The following PCDHGB1 variants were observed in gnomAD, a reference collection of about 807,000 sequenced individuals.
PCDHGB1 encodes the protein protocadherin gamma-B1.
A neutral mutation model predicts 56.6 loss-of-function variants in PCDHGB1; 34 were observed. The ratio of observed to expected loss-of-function variants is 0.60; its 90% CI spans 0.46 to 0.80. PCDHGB1 has a LOEUF of 0.80. PCDHGB1 is among the 30% of genes least tolerant of loss of function. The probability of loss-of-function intolerance (pLI) is 0.00; values close to 1 mark genes in which losing one functional copy is unlikely to be tolerated. For missense variants in PCDHGB1, 1,278 were observed against 1,204.6 expected, an observed-to-expected ratio of 1.06 and a Z score of -0.90; for synonymous variants, 561 against 505.9, an observed-to-expected ratio of 1.11 and a Z score of -1.46.
At chr5:141,457,791 A>G (rs554446263) in intron 1 of PCDHGB1, among the ~76,000 whole-genome samples, 1 of 152,318 alleles carries the variant, frequency 6.6e-6, no homozygotes, top group South Asian at 2.1e-4. Flanking sequence ...GAGTTGGGTT[A>G]TCCTCTCCTC....
At chr5:141,355,356 G>C in intron 1 of PCDHGB1, 2 of 1,614,044 alleles carry the variant, frequency 1.2e-6, no homozygotes, top group South Asian at 2.2e-5. Context: ...CCAAGGACCT[G>C]GGGTTGGCGC....
At chr5:141,372,680 C>T in intron 1 of PCDHGB1, 1 of 1,614,016 alleles carries the variant, frequency 6.2e-7, no homozygotes, top group South Asian at 1.1e-5. Context: ...ATTCCTCAAA[C>T]ACCGAGTTTA....
At chr5:141,427,901 G>T in intron 1 of PCDHGB1, 1 of 1,572,232 alleles carries the variant, frequency 6.4e-7, no homozygotes. Flanking sequence ...GCTCGCCCGC[G>T]CTCAGCGCCA....
At chr5:141,443,054 A>G (rs1591749542) in intron 1 of PCDHGB1, among the ~76,000 whole-genome samples, 1 of 152,218 alleles carries the variant, frequency 6.6e-6, no homozygotes. Flanking sequence ...TTATTGTTCC[A>G]CTGAAGAGCG....
intron 1 of PCDHGB1, chr5:141,413,285 A>G: frequency 1.9e-6 from 3 of 1,613,892 alleles, no homozygotes; most frequent in Non-Finnish European, 2.5e-6. Flanking sequence ...CAGATCTCCT[A>G]CTCAATTCCT....
chr5:141,355,764 G>A (rs1236728620), intron 1 of PCDHGB1: 2 of 1,613,850 alleles, frequency 1.2e-6, no homozygotes, highest in Admixed American at 1.7e-5. Flanking sequence ...GGGCCGATGG[G>A]ATTAAGTACC....
chr5:141,425,834 C>A (rs925446924), intron 1 of PCDHGB1, among the ~76,000 whole-genome samples: 1 of 152,220 alleles, frequency 6.6e-6, no homozygotes, highest in Non-Finnish European at 1.5e-5. Context: ...CTTTTAAATT[C>A]TCTTTGCTGG....
At chr5:141,372,341 A>G (rs1382612317) in intron 1 of PCDHGB1, 1 of 1,613,800 alleles carries the variant, frequency 6.2e-7, no homozygotes, top group Non-Finnish European at 8.5e-7. Context: ...TGCGTGATGG[A>G]GGACAGCAGC....
rs752171326 is a variant in PCDHGB1 at position 141,395,310 on chromosome 5, A to C, written c.2409+42641A>C. The stretch of plus-strand genomic sequence containing the variant: ...TGGCATAAATTATGTTTTGAAAAAC[A>C]TTGTGAAGATAGTTGAAAATAATTT... On this transcript the variant is annotated intron_variant, in intron 1 of 3. Transcript: ENST00000523390. The C allele has an allele frequency of 3.3e-6, 5 of 1,502,410 alleles. No homozygotes were observed. In the East Asian group the frequency reaches 1.1e-4, roughly 34 times the overall value. 93.1% of individuals were successfully genotyped at this position (1,502,410 alleles called of 1,614,324 possible).
chr5:141,438,122 A>T (rs1272350030), intron 1 of PCDHGB1, among the ~76,000 whole-genome samples: 1 of 152,214 alleles, frequency 6.6e-6, no homozygotes, highest in Non-Finnish European at 1.5e-5. Flanking sequence ...CATTCCTAAA[A>T]TATTAATGGC....
chr5:141,491,199 C>T lies in PCDHGB1; in HGVS notation c.2410-3608C>T. ...TGGTCCTGGTGAGGGACAATGGTGA[C>T]CCTTCACTCTCCTCCACAGCCACAG... On this transcript the variant is annotated intron_variant, in intron 1 of 3. Coordinates refer to ENST00000523390, the MANE Select transcript of PCDHGB1 (RefSeq NM_018922.3). The surrounding 1 kb of genome is among the most constrained non-coding windows in gnomAD (Gnocchi z 6.9). 1 of 1,614,190 alleles carries T rather than the reference C, an allele frequency of 6.2e-7. No homozygotes were observed. Among genetic ancestry groups the T allele is most frequent in the South Asian group, 1.1e-5 (1 of 91,086 alleles).
At chr5:141,447,642 T>G (rs1275164919) in intron 1 of PCDHGB1, among the ~76,000 whole-genome samples, 2 of 152,166 alleles carry the variant, frequency 1.3e-5, no homozygotes, top group Non-Finnish European at 2.9e-5. Flanking sequence ...TGAATGATGG[T>G]AGAATTTTCC....
At chr5:141,365,397 T>A (rs1763890362) in intron 1 of PCDHGB1, 1 of 1,613,844 alleles carries the variant, frequency 6.2e-7, no homozygotes, top group Non-Finnish European at 8.5e-7. Context: ...ACCAGTTCGA[T>A]CTCTGAAGAC....
intron 1 of PCDHGB1, chr5:141,428,158 G>A: frequency 6.3e-7 from 1 of 1,577,728 alleles, no homozygotes; most frequent in Non-Finnish European, 8.7e-7. Context: ...GGAACCTGCT[G>A]GTTGCTGTGC....
intron 1 of PCDHGB1, chr5:141,403,146 G>A (rs1400601984): frequency 1.9e-6 from 3 of 1,613,938 alleles, no homozygotes; most frequent in African/African-American, 2.7e-5. Flanking sequence ...CGCCGAGTCC[G>A]CATCGTCTCT....
At chr5:141,357,516 A>G (rs1321097755) in intron 1 of PCDHGB1, 3 of 1,614,010 alleles carry the variant, frequency 1.9e-6, no homozygotes, top group African/African-American at 1.3e-5. Context: ...TCTTCTCCCA[A>G]CCCAGCTATG....
Position 141,356,147 on chromosome 5 carries a change from A to G in PCDHGB1, c.2409+3478A>G, listed in dbSNP as rs1208276998. 19 of 1,613,404 alleles carry G rather than the reference A, an allele frequency of 1.2e-5. No homozygotes were observed. The highest frequency in any genetic ancestry group is 1.5e-5 in the Non-Finnish European group (18 of 1,179,664). On this transcript the variant is annotated intron_variant, in intron 1 of 3. Transcript: ENST00000523390. ...GATTATGAGGACTCTGGATTCTATG[A>G]CATAGATGTAGAAGCCCATGATGGG...
At chr5:141,383,583 C>A (rs1282205134) in intron 1 of PCDHGB1, 11 of 1,613,640 alleles carry the variant, frequency 6.8e-6, no homozygotes, top group Non-Finnish European at 9.3e-6. Context: ...CCGCCCACAT[C>A]CAGGTGACAG....
intron 1 of PCDHGB1, among the ~76,000 whole-genome samples, chr5:141,454,628 A>C (rs1008375225): frequency 1.3e-4 from 19 of 151,334 alleles, no homozygotes; most frequent in African/African-American, 4.4e-4. Context: ...CTGGTCTCGA[A>C]CCCCCAACCT....
Sources: allele counts gnomAD v4.1 joint callset (sites outside exome capture counted in the v4.1 genomes callset), GRCh38; gene constraint gnomAD v4.1.1; non-coding constraint Gnocchi (gnomAD v3.1); transcripts MANE v1.5; gene names NCBI Gene and HGNC (gene_info 2026-07-23, HGNC 2026-07-21).